HECW2: variants seen among roughly 807,000 people sequenced by gnomAD.
The protein encoded by HECW2 is E3 ubiquitin-protein ligase HECW2.
In HECW2, 61 loss-of-function variants were observed where a neutral mutation model predicts 175.2. The ratio of observed to expected loss-of-function variants is 0.35; its 90% CI spans 0.28 to 0.43. The LOEUF (loss-of-function observed/expected upper bound fraction) is 0.43. Ranked by LOEUF, HECW2 falls within the 20% of genes least tolerant of loss-of-function variation. The pLI, the probability that HECW2 is intolerant of heterozygous loss-of-function variation, is 1.00. For missense variants in HECW2, 1,524 were observed against 2,000.5 expected (o/e 0.76, Z 4.54); for synonymous variants, 671 against 731.0 (o/e 0.92, Z 1.32).
chr2:196,507,176 T>TACACACACTAATACGTGTATATTAC (rs6147110), intron 1 of HECW2, among the ~76,000 whole-genome samples: 147,303 of 151,468 alleles, frequency 0.97, 71,650 homozygotes, highest in East Asian at 1. Context: ...ATGTGTATAT[T>TACACACACTAATACGTGTATATTAC]ACACACACTA....
At chr2:196,509,602 C>T (rs991574871) in intron 1 of HECW2, among the ~76,000 whole-genome samples, 2 of 152,212 alleles carry the variant, frequency 1.3e-5, no homozygotes, top group Non-Finnish European at 2.9e-5. Flanking sequence ...GGATTTTAAA[C>T]ATTGTATGTC....
At chr2:196,501,106 C>T (rs1687564436) in intron 1 of HECW2, among the ~76,000 whole-genome samples, 1 of 152,132 alleles carries the variant, frequency 6.6e-6, no homozygotes, top group Non-Finnish European at 1.5e-5. Flanking sequence ...GGCAGAAATA[C>T]ATTTTATCTT....
chr2:196,386,815 G>A (rs1344898519), intron 2 of HECW2, among the ~76,000 whole-genome samples: 9 of 152,064 alleles, frequency 5.9e-5, no homozygotes, highest in Non-Finnish European at 1.3e-4. Context: ...AACAAAAAAT[G>A]ATGCATTAAA....
intron 2 of HECW2, among the ~76,000 whole-genome samples, chr2:196,376,192 T>C (rs1694046400): frequency 6.6e-6 from 1 of 152,178 alleles, no homozygotes. Context: ...AACTTATTGG[T>C]CTCCAAATTT....
At chr2:196,500,863 T>C (rs536885567) in intron 1 of HECW2, among the ~76,000 whole-genome samples, 51 of 152,284 alleles carry the variant, frequency 3.3e-4, no homozygotes, top group Non-Finnish European at 5.9e-4. Context: ...GAGTCACCTA[T>C]CCAGGACTCA....
intron 1 of HECW2, among the ~76,000 whole-genome samples, chr2:196,458,134 G>A (rs1025936444): frequency 6.6e-6 from 1 of 151,976 alleles, no homozygotes; most frequent in African/African-American, 2.4e-5. Context: ...GCTGGGTGTG[G>A]CAGCACATGC....
At chr2:196,495,583 G>A (rs2125394264) in intron 1 of HECW2, among the ~76,000 whole-genome samples, 1 of 152,290 alleles carries the variant, frequency 6.6e-6, no homozygotes, top group East Asian at 1.9e-4. Flanking sequence ...TAGACATGCA[G>A]AGACAGAGAC....
intron 1 of HECW2, among the ~76,000 whole-genome samples, chr2:196,574,495 G>A (rs569591195): frequency 6.6e-6 from 1 of 152,030 alleles, no homozygotes; most frequent in Admixed American, 6.6e-5. Flanking sequence ...AAAGACTTGT[G>A]CATCAAAAAT....
At position 196,524,764 on chromosome 2, in the gene HECW2, A is replaced by G. The variant is rs541746626; in HGVS notation, c.-36+68744T>C. Among the ~76,000 whole-genome samples the G allele has an allele frequency of 1.6e-4, 19 of 121,564 alleles. 7 individuals carry two copies. Among genetic ancestry groups the G allele is most frequent in the African/African-American group, 9.5e-4 (19 of 20,028 alleles). 79.8% of individuals were successfully genotyped at this position (121,564 alleles called of 152,430 possible). Reference sequence around the variant, plus strand: ...GTAGTCATTCAGGAGCAGGTTGTTCAGTTTCCATGCAGTTGAGCGGCTTTG... The same window carrying G: ...GTAGTCATTCAGGAGCAGGTTGTTCGGTTTCCATGCAGTTGAGCGGCTTTG... On this transcript the variant is annotated intron_variant, in intron 1 of 28. Transcript: ENST00000644978.
chr2:196,555,503 A>C (rs1393142252), intron 1 of HECW2, among the ~76,000 whole-genome samples: 1 of 152,216 alleles, frequency 6.6e-6, no homozygotes, highest in Non-Finnish European at 1.5e-5. Context: ...AAACACTCAG[A>C]TCATAGCACA....
chr2:196,441,869 T>C (rs966452319), intron 1 of HECW2, among the ~76,000 whole-genome samples: 2 of 152,158 alleles, frequency 1.3e-5, no homozygotes, highest in South Asian at 4.1e-4. Context: ...CCTCACTTCC[T>C]CTTTCCAGGT....
At chr2:196,461,434 C>G (rs2125327775) in intron 1 of HECW2, among the ~76,000 whole-genome samples, 1 of 152,302 alleles carries the variant, frequency 6.6e-6, no homozygotes, top group Non-Finnish European at 1.5e-5. Context: ...GGCACAAACA[C>G]TTTGGAAAAC....
At chr2:196,407,048 G>A (rs1002746566) in intron 2 of HECW2, among the ~76,000 whole-genome samples, 12 of 152,174 alleles carry the variant, frequency 7.9e-5, no homozygotes, top group Non-Finnish European at 1.6e-4. Flanking sequence ...GGATCTAGAA[G>A]TATGTCTAGC....
At chr2:196,251,024 G>C (rs1435440736) in intron 19 of HECW2, among the ~76,000 whole-genome samples, 1 of 152,098 alleles carries the variant, frequency 6.6e-6, no homozygotes, top group Non-Finnish European at 1.5e-5. Context: ...CCTCTTTTCA[G>C]ATCTCATCCT....
rs549855746 is a variant in HECW2, at chr2:196,379,609, C to A, written c.293-35845G>T. On this transcript the variant is annotated intron_variant, in intron 2 of 28. Transcript: ENST00000644978. ...CTGAGGCAGGAGGATGGCATGAACC[C>A]GGGAGGCAGAGCTTGCAGTGAGCTG... Among the ~76,000 whole-genome samples the A allele has an allele frequency of 4.7e-4, 69 of 147,584 alleles. 1 individual carries two copies. The highest frequency in any genetic ancestry group is 1.7e-3 in the African/African-American group (64 of 38,670).
intron 1 of HECW2, among the ~76,000 whole-genome samples, chr2:196,460,871 T>A (rs1696717457): frequency 6.9e-6 from 1 of 144,980 alleles, no homozygotes; most frequent in South Asian, 2.3e-4. Flanking sequence ...GTGATCCTCC[T>A]ACCTCGGACT....
intron 17 of HECW2, among the ~76,000 whole-genome samples, chr2:196,268,510 G>A (rs1026044810): frequency 6.6e-6 from 1 of 152,192 alleles, no homozygotes; most frequent in Non-Finnish European, 1.5e-5. Flanking sequence ...ACTTGGGCCT[G>A]CAGCTTTTCC....
intron 13 of HECW2, among the ~76,000 whole-genome samples, chr2:196,298,374 A>C (rs905862030): frequency 1.4e-4 from 21 of 152,260 alleles, no homozygotes; most frequent in South Asian, 1.0e-3. Flanking sequence ...AAACCCACAA[A>C]ATTTTCTTTC....
At position 196,324,925 on chromosome 2, in the gene HECW2, G is replaced by A. The variant is rs1052783617; in HGVS notation, c.741+55C>T. The A allele has an allele frequency of 3.5e-6, 5 of 1,413,706 alleles. No individual in the cohort carries two copies. The African/African-American group carries it at 5.8e-5, about 16-fold the overall frequency. 87.6% of individuals were successfully genotyped at this position (1,413,706 alleles called of 1,614,324 possible). On this transcript the variant is annotated intron_variant, in intron 6 of 28. Transcript: ENST00000644978. ...GATGCAAAAGTCTCAAGGAAAGAGA[G>A]AGACTGGGCTGACTTCCTCACCATC...
Sources: allele counts gnomAD v4.1 joint callset (sites outside exome capture counted in the v4.1 genomes callset), GRCh38; gene constraint gnomAD v4.1.1; transcripts MANE v1.5; gene names NCBI Gene and HGNC (gene_info 2026-07-23, HGNC 2026-07-21).